The following GNAS variants were observed in gnomAD, a reference collection of about 807,000 sequenced individuals.
GNAS encodes the protein GNAS complex locus.
GNAS carries 8 observed loss-of-function variants against 54.5 expected under a neutral mutation model. That is an observed-to-expected ratio of 0.15 (90% confidence interval 0.09 to 0.26). The LOEUF is 0.26. Among genes scored for constraint, GNAS ranks in the 10% least tolerant of loss-of-function variants. The pLI is 1.00. For synonymous variants in GNAS, 204 were observed against 191.4 expected, an observed-to-expected ratio of 1.07 and a Z score of -0.54; for missense variants, 170 against 529.8, an observed-to-expected ratio of 0.32 and a Z score of 6.67.
rs372910760 is a variant in GNAS, at chr20:58,901,550, T to C, written c.258-1981T>C. On this transcript the variant is annotated intron_variant, in intron 3 of 12. Transcript: ENST00000371085. ...GGCCCTGAGGGGATTCCTGGCAACA[T>C]CTGTCCCCCCTCCCCACCCCAGACA... 4.6e-5 allele frequency among the ~76,000 whole-genome samples: 7 copies of C among 152,066 alleles called. No homozygotes were observed. The East Asian group carries it at 1.4e-3, about 29-fold the overall frequency.
intron 1 of GNAS, 121 bp downstream of exon 1, chr20:58,891,986 G>A: frequency 2.6e-6 from 2 of 763,986 alleles, no homozygotes; most frequent in Non-Finnish European, 3.2e-6. Flanking sequence ...CCGCCCGTTC[G>A]CGGGCTCTGT....
chr20:58,900,650 T>C (rs529184044), intron 3 of GNAS, among the ~76,000 whole-genome samples: 2 of 152,328 alleles, frequency 1.3e-5, no homozygotes, highest in African/African-American at 4.8e-5. Flanking sequence ...TTGTAGCGAA[T>C]CAGAATTCTA....
chr20:58,900,588 G>T (rs2090518995), intron 3 of GNAS, among the ~76,000 whole-genome samples: 1 of 152,108 alleles, frequency 6.6e-6, no homozygotes, highest in East Asian at 1.9e-4. Context: ...ACATAGAAGG[G>T]GGAGGAGGAG....
chr20:58,904,500 A>G (rs1011551675), intron 5 of GNAS, among the ~76,000 whole-genome samples: 1 of 152,270 alleles, frequency 6.6e-6, no homozygotes, highest in Admixed American at 6.5e-5. Flanking sequence ...GCCCAAGCAT[A>G]TAAGTTTAGG....
At chr20:58,876,038 G>C (rs2087791587) in intron 1 of GNAS, among the ~76,000 whole-genome samples, 1 of 152,124 alleles carries the variant, frequency 6.6e-6, no homozygotes, top group Non-Finnish European at 1.5e-5. Context: ...AGTGGCGCTT[G>C]GGTTGATTTC....
chr20:58,853,653 G>T lies in GNAS; in HGVS notation c.43+12767G>T, dbSNP rs755693765. On this transcript the variant is annotated intron_variant, in intron 1 of 12. Transcript: ENST00000306090. This position sits in a 1 kb window ranked among gnomAD's most constrained non-coding sequence, Gnocchi z 4.4. ...TGGATTCCCCAGTGGGGTCCATGCA[G>T]GCCTTGAGGCCTTCGGCCCAGCACT... The T allele has an allele frequency of 6.2e-7, 1 of 1,613,610 alleles. No individual in the cohort carries two copies. Among genetic ancestry groups the T allele is most frequent in the Middle Eastern group, 1.6e-4 (1 of 6,062 alleles).
intron 1 of GNAS, among the ~76,000 whole-genome samples, chr20:58,874,204 G>C (rs1185846397): frequency 6.6e-6 from 1 of 152,188 alleles, no homozygotes; most frequent in African/African-American, 2.4e-5. Context: ...CTTTCTCCAG[G>C]AGGCACAGCC....
chr20:58,890,996 G>A (rs1187085679), upstream of GNAS, among the ~76,000 whole-genome samples: 5 of 151,254 alleles, frequency 3.3e-5, no homozygotes, highest in Non-Finnish European at 7.4e-5. Context: ...CCCGCGGGAG[G>A]GGGAGGAGGC....
chr20:58,889,698 A>C (rs943181984), upstream of GNAS: 4 of 151,214 alleles, frequency 2.6e-5, no homozygotes, highest in African/African-American at 9.7e-5. Context: ...GCTAACTCTT[A>C]GGCAGCCAGC....
intron 1 of GNAS, among the ~76,000 whole-genome samples, chr20:58,847,857 G>T (rs2145516009): frequency 6.6e-6 from 1 of 152,266 alleles, no homozygotes; most frequent in South Asian, 2.1e-4. Flanking sequence ...TTATGCTTTT[G>T]GTAATGAGTA....
intron 1 of GNAS, chr20:58,854,575 C>A (rs1376506169): frequency 2.2e-5 from 35 of 1,562,406 alleles, no homozygotes; most frequent in Non-Finnish European, 3.0e-5. Flanking sequence ...GCCCCTGCCG[C>A]CCCAGCCGAT....
At position 58,910,100 on chromosome 20, in the gene GNAS, C is replaced by A. The variant is rs2146295033; in HGVS notation, c.970+19C>A. The A allele has an allele frequency of 6.2e-7, 1 of 1,612,970 alleles. No individual in the cohort carries two copies. On this transcript the variant is annotated intron_variant, in intron 11 of 12. Coordinates refer to ENST00000371085, the MANE Select transcript of GNAS (RefSeq NM_000516.7). This position sits in a 1 kb window ranked among gnomAD's most constrained non-coding sequence, Gnocchi z 5.8. ...GAGGATGGTGTGTATGGCTTCCACT[C>A]TTGCTGGCTGTTCATTGCGGTGGTT...
At chr20:58,844,661 GT>G in intron 1 of GNAS, among the ~76,000 whole-genome samples, 1 of 144,814 alleles carries the variant, frequency 6.9e-6, no homozygotes, top group Non-Finnish European at 1.5e-5. Flanking sequence ...GCCTGGGGTT[GT>G]CCAATTTGAC....
intron 1 of GNAS, chr20:58,852,860 C>T (rs567793611): frequency 6.9e-5 from 21 of 304,142 alleles, no homozygotes; most frequent in African/African-American, 4.3e-4. Context: ...GCACTGGAAC[C>T]GGCGTCCTCT....
intron 1 of GNAS, 108 bp downstream of exon 1, chr20:58,891,973 C>T (rs1482140898): frequency 3.9e-6 from 3 of 770,008 alleles, no homozygotes; most frequent in South Asian, 5.8e-5. Flanking sequence ...GCTCCCGAGC[C>T]CCCCGCCCGT....
chr20:58,856,040 G>A lies in GNAS; in HGVS notation c.43+15154G>A, dbSNP rs769485965. The A allele has an allele frequency of 5.0e-6, 1 of 199,216 alleles. No individual in the cohort carries two copies. Among genetic ancestry groups the A allele is most frequent in the Non-Finnish European group, 1.0e-5 (1 of 97,238 alleles). The allele number at this position is 199,216 out of a possible 1,614,324, so 12.3% of individuals were successfully genotyped here. A position where few individuals can be genotyped will look rare whatever the true frequency, so the allele number is the denominator to read the frequency against. ...GCGGGGAAGGTGGCGGGGCCTCCCG[G>A]GAAATAAGCGGGGCCCTTGGCCTGG... is the stretch of plus-strand genomic sequence containing the variant. On this transcript the variant is annotated intron_variant, in intron 1 of 12. Coordinates refer to the GNAS transcript ENST00000306090. The surrounding 1 kb of genome is among the most constrained non-coding windows in gnomAD (Gnocchi z 4.2).
chr20:58,877,268 T>G (rs989530308), intron 1 of GNAS, among the ~76,000 whole-genome samples: 1 of 151,612 alleles, frequency 6.6e-6, no homozygotes, highest in African/African-American at 2.4e-5. Context: ...AAATGACAGA[T>G]GCAGTTGGAG....
intron 1 of GNAS, among the ~76,000 whole-genome samples, chr20:58,878,124 C>A (rs1315404399): frequency 6.6e-6 from 1 of 152,160 alleles, no homozygotes; most frequent in Non-Finnish European, 1.5e-5. Flanking sequence ...CTGGTGCAGA[C>A]TTACGCAGAG....
At position 58,871,738 on chromosome 20, in the gene GNAS, G is replaced by A. The variant is rs144570574; in HGVS notation, c.44-23874G>A. Among the ~76,000 whole-genome samples, 509 of 149,074 alleles carry A rather than the reference G, an allele frequency of 3.4e-3. 3 individuals carry two copies. The highest frequency in any genetic ancestry group is 0.012 in the African/African-American group (482 of 40,574). On this transcript the variant is annotated intron_variant, in intron 1 of 12. Coordinates refer to the GNAS transcript ENST00000306090. ...AAGGAAGGGAGGGAGGAGGGAGGGG[G>A]AGAAAAGAAAAGAAAGGAAAAGAAA...
Sources: gnomAD v4.1 joint callset for allele counts (sites outside exome capture counted in the v4.1 genomes callset) on GRCh38, gnomAD v4.1.1 for gene constraint, Gnocchi (gnomAD v3.1) non-coding constraint, MANE v1.5 for transcripts, NCBI Gene and HGNC (gene_info 2026-07-23, HGNC 2026-07-21) for gene names.